HS6ST3: variants seen among roughly 807,000 people sequenced by gnomAD.
HS6ST3 encodes heparan-sulfate 6-O-sulfotransferase 3.
Under a neutral mutation model 36.7 loss-of-function variants are expected in HS6ST3, and 12 were observed. The ratio of observed to expected loss-of-function variants is 0.33; its 90% CI spans 0.21 to 0.53. The LOEUF (loss-of-function observed/expected upper bound fraction) is 0.53. Among genes scored for constraint, HS6ST3 ranks in the 20% least tolerant of loss-of-function variants. The pLI, the probability that HS6ST3 is intolerant of heterozygous loss-of-function variation, is 0.95. For synonymous variants in HS6ST3, 240 were observed against 257.5 expected, an observed-to-expected ratio of 0.93 and a Z score of 0.65; for missense variants, 584 against 640.9, an observed-to-expected ratio of 0.91 and a Z score of 0.96.
chr13:96,094,072 A>G (rs2053778244), intron 1 of HS6ST3, among the ~76,000 whole-genome samples: 1 of 152,152 alleles, frequency 6.6e-6, no homozygotes, highest in African/African-American at 2.4e-5. Context: ...TGGATCACAT[A>G]ATGGATAAGA....
intron 1 of HS6ST3, among the ~76,000 whole-genome samples, chr13:96,272,877 C>T (rs1199485052): frequency 1.3e-5 from 2 of 151,966 alleles, no homozygotes; most frequent in Non-Finnish European, 1.5e-5. Flanking sequence ...AAAAAATACC[C>T]TAAAGAATAC....
At chr13:96,388,835 G>C (rs962612362) in intron 1 of HS6ST3, among the ~76,000 whole-genome samples, 1 of 152,116 alleles carries the variant, frequency 6.6e-6, no homozygotes, top group Non-Finnish European at 1.5e-5. Flanking sequence ...GTCCTGAAGG[G>C]CCTGCTTCTC....
chr13:96,814,915 C>T (rs1000097297), intron 1 of HS6ST3, among the ~76,000 whole-genome samples: 1 of 152,080 alleles, frequency 6.6e-6, no homozygotes, highest in Non-Finnish European at 1.5e-5. Flanking sequence ...TCTTGTGTTT[C>T]TCAAATATTT....
At chr13:96,560,915 A>C (rs1335600033) in intron 1 of HS6ST3, among the ~76,000 whole-genome samples, 2 of 152,220 alleles carry the variant, frequency 1.3e-5, no homozygotes, top group African/African-American at 2.4e-5. Context: ...AAAACATTTC[A>C]TGTCATGGAT....
intron 1 of HS6ST3, among the ~76,000 whole-genome samples, chr13:96,776,096 T>C (rs1224412980): frequency 2.0e-5 from 3 of 151,204 alleles, no homozygotes; most frequent in Non-Finnish European, 4.4e-5. Context: ...GACTATGGGG[T>C]AAATAACGAA....
chr13:96,378,522 G>A (rs2055325435), intron 1 of HS6ST3, among the ~76,000 whole-genome samples: 1 of 152,066 alleles, frequency 6.6e-6, no homozygotes, highest in South Asian at 2.1e-4. Context: ...TCCATTCCCA[G>A]GGCTATCCTG....
At chr13:96,539,631 A>G (rs1042663461) in intron 1 of HS6ST3, among the ~76,000 whole-genome samples, 3 of 152,216 alleles carry the variant, frequency 2.0e-5, no homozygotes, top group Non-Finnish European at 4.4e-5. Flanking sequence ...CTGGGATTAC[A>G]TGCGTGAGCC....
chr13:96,745,441 G>A (rs1449576680), intron 1 of HS6ST3, among the ~76,000 whole-genome samples: 2 of 152,048 alleles, frequency 1.3e-5, no homozygotes, highest in African/African-American at 2.4e-5. Flanking sequence ...CTCATCTGGT[G>A]TAGACAAATA....
intron 1 of HS6ST3, among the ~76,000 whole-genome samples, chr13:96,685,517 T>C (rs1433832394): frequency 6.6e-6 from 1 of 152,040 alleles, no homozygotes; most frequent in Non-Finnish European, 1.5e-5. Flanking sequence ...TTGTGTTAGA[T>C]ACTACATAGA....
chr13:96,513,589 A>G (rs2056059652), intron 1 of HS6ST3, among the ~76,000 whole-genome samples: 1 of 151,850 alleles, frequency 6.6e-6, no homozygotes, highest in Admixed American at 6.6e-5. Flanking sequence ...TTATTTCCTT[A>G]CATTGTCTTA....
intron 1 of HS6ST3, among the ~76,000 whole-genome samples, chr13:96,332,977 C>A (rs1032849389): frequency 3.3e-5 from 5 of 152,168 alleles, no homozygotes; most frequent in Non-Finnish European, 7.3e-5. Flanking sequence ...GAGAAGATGC[C>A]ATCTATGGTC....
intron 1 of HS6ST3, among the ~76,000 whole-genome samples, chr13:96,369,067 G>A (rs2055276865): frequency 7.9e-6 from 1 of 126,420 alleles, no homozygotes; most frequent in African/African-American, 3.0e-5. Context: ...TCTCACTGGT[G>A]TTGTGGGGGT....
chr13:96,506,971 A>G (rs1049632059), intron 1 of HS6ST3, among the ~76,000 whole-genome samples: 2 of 152,166 alleles, frequency 1.3e-5, no homozygotes, highest in African/African-American at 2.4e-5. Context: ...GATAGTTCTT[A>G]CAAATATTGT....
chr13:96,350,752 T>C (rs907585682), intron 1 of HS6ST3, among the ~76,000 whole-genome samples: 1 of 152,208 alleles, frequency 6.6e-6, no homozygotes, highest in Admixed American at 6.5e-5. Context: ...TTTTAACACC[T>C]GCTAGTGTAT....
intron 1 of HS6ST3, among the ~76,000 whole-genome samples, chr13:96,671,518 T>C (rs894561458): frequency 2.6e-5 from 4 of 152,066 alleles, no homozygotes; most frequent in Admixed American, 1.3e-4. Context: ...ACAGACTGGG[T>C]GACTTAAATA....
chr13:96,623,380 G>A (rs1276611213), intron 1 of HS6ST3, among the ~76,000 whole-genome samples: 1 of 151,878 alleles, frequency 6.6e-6, no homozygotes. Flanking sequence ...AGAGGATTAG[G>A]CTTTAAACTT....
At chr13:96,417,759 C>CACAT (rs375792143) in intron 1 of HS6ST3, among the ~76,000 whole-genome samples, 1 of 151,004 alleles carries the variant, frequency 6.6e-6, no homozygotes. Context: ...CACACACACA[C>CACAT]ATAATAGTCT....
chr13:96,814,534 T>C (rs1199845277), intron 1 of HS6ST3, among the ~76,000 whole-genome samples: 1 of 152,194 alleles, frequency 6.6e-6, no homozygotes, highest in African/African-American at 2.4e-5. Context: ...CTTTTCAATT[T>C]CAATGCACAG....
chr13:96,240,051 T>G (rs1594727694), intron 1 of HS6ST3, among the ~76,000 whole-genome samples: 1 of 152,218 alleles, frequency 6.6e-6, no homozygotes, highest in East Asian at 1.9e-4. Flanking sequence ...AGTTGTGTAT[T>G]TCAAGCAAAT....
Sources: allele counts gnomAD v4.1 joint callset (sites outside exome capture counted in the v4.1 genomes callset), GRCh38; gene constraint gnomAD v4.1.1; transcripts MANE v1.5; gene names NCBI Gene and HGNC (gene_info 2026-07-23, HGNC 2026-07-21).